The following FBRSL1 variants were observed in gnomAD, a reference collection of about 807,000 sequenced individuals.
The protein encoded by FBRSL1 is fibrosin-1-like protein.
In FBRSL1, 51 loss-of-function variants were observed where a neutral mutation model predicts 89.6. The ratio of observed to expected loss-of-function variants is 0.57; its 90% confidence interval spans 0.45 to 0.72. The LOEUF (loss-of-function observed/expected upper bound fraction) is 0.72, where lower values mean the gene tolerates loss of function less well. Among genes scored for constraint, FBRSL1 ranks in the 30% least tolerant of loss-of-function variants. FBRSL1 has a pLI of 0.00. For missense variants in FBRSL1, 1,618 were observed against 1,451.8 expected (o/e 1.11, Z -1.86); for synonymous variants, 779 against 681.1 (o/e 1.14, Z -2.24).
chr12:132,549,683 C>T (rs1020785986), intron 5 of FBRSL1, among the ~76,000 whole-genome samples: 46 of 152,204 alleles, frequency 3.0e-4, no homozygotes, highest in East Asian at 3.9e-4. Context: ...CCTGTGGCCC[C>T]GGAGGCCAGG....
In FBRSL1 at chr12:132,582,102, C is replaced by G. The variant is rs1034488379; in HGVS notation, c.2037C>G (p.Ser679=). 3.3e-5 allele frequency: 51 copies of G among 1,549,424 alleles called. No individual in the cohort carries two copies. The highest frequency in any genetic ancestry group is 4.3e-5 in the Non-Finnish European group (49 of 1,146,524). ...GSIFAPKEGS[S]VHGLPSPHEA... is the part of the protein sequence containing the mutation. ...TCTTTGCCCCCAAGGAGGGCTCCTC[C>G]GTGCACGGCCTGCCCAGCCCCCATG... is the stretch of plus-strand genomic sequence containing the variant. Residue 679 remains serine, a synonymous_variant, in exon 18 of 19, where the codon TCC becomes TCG. Transcript: ENST00000680143.
At chr12:132,567,707 G>T (rs534438893) in intron 6 of FBRSL1, among the ~76,000 whole-genome samples, 181 bp downstream of exon 6, 2 of 152,278 alleles carry the variant, frequency 1.3e-5, no homozygotes, top group South Asian at 4.1e-4. Flanking sequence ...GGGGAGAGTA[G>T]ACGAAGCCAC....
chr12:132,522,942 C>G lies in FBRSL1; in HGVS notation c.490-2792C>G, dbSNP rs77314549. On this transcript the variant is annotated intron_variant, in intron 2 of 18. Coordinates refer to ENST00000680143, the MANE Select transcript of FBRSL1 (RefSeq NM_001367871.1). Reference sequence around the variant, plus strand: ...TTTGTCACTCTAGGGGGGGCAGGGGCTTGGGTCGGCTCTGCTCACTGCCCA... The same window carrying G: ...TTTGTCACTCTAGGGGGGGCAGGGGGTTGGGTCGGCTCTGCTCACTGCCCA... 3.3e-5 allele frequency among the ~76,000 whole-genome samples: 5 copies of G among 152,312 alleles called. No homozygotes were observed. In the East Asian group the frequency reaches 9.7e-4, roughly 29 times the overall value.
intron 1 of FBRSL1, among the ~76,000 whole-genome samples, chr12:132,496,736 T>G (rs943952864): frequency 2.0e-5 from 3 of 152,260 alleles, no homozygotes; most frequent in African/African-American, 7.2e-5. Context: ...CACATTCTGA[T>G]GGGCGCTCTG....
At chr12:132,524,966 C>T (rs2035665079) in intron 2 of FBRSL1, among the ~76,000 whole-genome samples, 2 of 151,914 alleles carry the variant, frequency 1.3e-5, no homozygotes, top group African/African-American at 4.8e-5. Context: ...TCGGGGCCAC[C>T]GTGTGAGCAA....
At chr12:132,526,115 A>G (rs1471414716) in intron 3 of FBRSL1, among the ~76,000 whole-genome samples, 4 of 152,260 alleles carry the variant, frequency 2.6e-5, no homozygotes, top group Non-Finnish European at 5.9e-5. Flanking sequence ...AGAGATTTAA[A>G]TGAAGAAATG....
At chr12:132,539,656 C>T (rs1214766406) in intron 4 of FBRSL1, among the ~76,000 whole-genome samples, 4 of 129,700 alleles carry the variant, frequency 3.1e-5, no homozygotes, top group Non-Finnish European at 4.8e-5. Context: ...CCTACCTAGT[C>T]CTGCCGTCCA....
intron 4 of FBRSL1, among the ~76,000 whole-genome samples, chr12:132,535,501 G>A (rs1375579445): frequency 6.6e-6 from 1 of 152,264 alleles, no homozygotes; most frequent in Non-Finnish European, 1.5e-5. Flanking sequence ...TGGGTGTGAA[G>A]AGGTGAGCGG....
intron 1 of FBRSL1, among the ~76,000 whole-genome samples, chr12:132,506,838 T>G (rs1320162004): frequency 6.6e-6 from 1 of 152,168 alleles, no homozygotes; most frequent in Non-Finnish European, 1.5e-5. Context: ...AGAGAGCATA[T>G]GGCGGGAGCT....
At chr12:132,502,722 G>C (rs1187942030) in intron 1 of FBRSL1, among the ~76,000 whole-genome samples, 4 of 125,318 alleles carry the variant, frequency 3.2e-5, no homozygotes, top group African/African-American at 1.3e-4. Context: ...TTCAGGCCTC[G>C]AGCCCGCTAT....
At chr12:132,569,251 A>G (rs1008154289) in intron 6 of FBRSL1, among the ~76,000 whole-genome samples, 2 of 151,320 alleles carry the variant, frequency 1.3e-5, no homozygotes, top group South Asian at 4.2e-4. Flanking sequence ...AGAGGGGCCC[A>G]CAGGACCTGC....
At chr12:132,571,275 CCT>C (rs752091289) in intron 9 of FBRSL1, 44 bp downstream of exon 9, 7 of 1,496,668 alleles carry the variant, frequency 4.7e-6, no homozygotes, top group African/African-American at 1.4e-5. Flanking sequence ...GGCCAACGTG[CCT>C]CTCTGTCTCT....
intron 4 of FBRSL1, 102 bp downstream of exon 4, chr12:132,528,090 T>C (rs904826787): frequency 5.9e-5 from 62 of 1,054,160 alleles, no homozygotes; most frequent in Non-Finnish European, 8.6e-5. Flanking sequence ...CTCACCCCAG[T>C]CCCGTGCCCG....
intron 4 of FBRSL1, among the ~76,000 whole-genome samples, chr12:132,533,940 G>A (rs925849241): frequency 6.6e-6 from 1 of 152,220 alleles, no homozygotes; most frequent in South Asian, 2.1e-4. Context: ...GGGCAAGCCT[G>A]TGTGTGCAGA....
chr12:132,510,319 C>T (rs1293255068), intron 2 of FBRSL1: 19 of 1,230,652 alleles, frequency 1.5e-5, no homozygotes, highest in East Asian at 3.2e-5. Flanking sequence ...GATCTGGTGC[C>T]GGCCCGTCAG....
chr12:132,522,700 A>G (rs1400243016), intron 2 of FBRSL1, among the ~76,000 whole-genome samples: 1 of 152,048 alleles, frequency 6.6e-6, no homozygotes, highest in East Asian at 1.9e-4. Flanking sequence ...AACTGGACAG[A>G]CTCAGCCTTC....
chr12:132,541,530 T>C (rs1230198335), intron 4 of FBRSL1, among the ~76,000 whole-genome samples: 7 of 152,182 alleles, frequency 4.6e-5, no homozygotes, highest in African/African-American at 1.7e-4. Flanking sequence ...GTTCTGCCCA[T>C]GCAGGGGAAG....
chr12:132,508,464 G>T lies in FBRSL1; in HGVS notation c.489+114G>T, dbSNP rs558550238. On this transcript the variant is annotated intron_variant, in intron 2 of 18. Coordinates refer to ENST00000680143, the MANE Select transcript of FBRSL1 (RefSeq NM_001367871.1). ...GTGGCCCCCGGGCCTGCCTGGCAGC[G>T]CGCCCATCGTTGTCAGGCTTGGGGT... is the stretch of plus-strand genomic sequence containing the variant. The T allele has an allele frequency of 6.1e-4, 731 of 1,205,974 alleles. 13 individuals carry two copies. In the South Asian group the frequency reaches 0.011, roughly 18 times the overall value. The allele number at this position is 1,205,974 out of a possible 1,614,324, so 74.7% of individuals were successfully genotyped here.
chr12:132,574,621 G>A (rs2040259535), intron 14 of FBRSL1, 57 bp downstream of exon 14: 3 of 1,525,132 alleles, frequency 2.0e-6, no homozygotes, highest in East Asian at 2.5e-5. Flanking sequence ...GCCTGGTCGG[G>A]CCCTGAAGGC....
Sources: gnomAD v4.1 joint callset for allele counts (sites outside exome capture counted in the v4.1 genomes callset) on GRCh38, gnomAD v4.1.1 for gene constraint, MANE v1.5 for transcripts, NCBI Gene and HGNC (gene_info 2026-07-23, HGNC 2026-07-21) for gene names.